TPTE2: variants seen among roughly 807,000 people sequenced by gnomAD.
TPTE2 encodes phosphatidylinositol 3,4,5-trisphosphate 3-phosphatase TPTE2.
A neutral mutation model predicts 78.6 loss-of-function variants in TPTE2; 53 were observed. The ratio of observed to expected loss-of-function variants is 0.67; its 90% CI spans 0.54 to 0.85. The LOEUF is 0.85. TPTE2 is among the 40% of genes least tolerant of loss of function. The pLI, the probability that TPTE2 is intolerant of heterozygous loss-of-function variation, is 0.00. For missense variants in TPTE2, 461 were observed against 623.0 expected, an observed-to-expected ratio of 0.74 and a Z score of 2.77; for synonymous variants, 175 against 206.2, an observed-to-expected ratio of 0.85 and a Z score of 1.30.
At chr13:19,435,072 G>T (rs1438878029) in intron 15 of TPTE2, among the ~76,000 whole-genome samples, 1 of 152,144 alleles carries the variant, frequency 6.6e-6, no homozygotes, top group Non-Finnish European at 1.5e-5. Flanking sequence ...CCTGGTTTCT[G>T]CAATAAACAA....
At chr13:19,507,233 A>G (rs1449542523), upstream of TPTE2, among the ~76,000 whole-genome samples, 3 of 149,170 alleles carry the variant, frequency 2.0e-5, no homozygotes, top group Non-Finnish European at 4.4e-5. Context: ...ATCAAATACC[A>G]TGTGAATTTG....
intron 1 of TPTE2, among the ~76,000 whole-genome samples, chr13:19,518,380 TTGAGTA>T (rs1429751177): frequency 6.6e-6 from 1 of 152,160 alleles, no homozygotes; most frequent in Non-Finnish European, 1.5e-5. Context: ...AATTAAAATT[TTGAGTA>T]TAAGAAAAAA....
chr13:19,451,056 C>G (rs989261348), intron 11 of TPTE2, 109 bp downstream of exon 14: 1 of 1,316,266 alleles, frequency 7.6e-7, no homozygotes, highest in Non-Finnish European at 1.0e-6. Flanking sequence ...CATTCCTTGC[C>G]ACTACCAAAT....
At chr13:19,485,405 T>C (rs1200143372) in intron 3 of TPTE2, among the ~76,000 whole-genome samples, 5 of 152,126 alleles carry the variant, frequency 3.3e-5, no homozygotes, top group Non-Finnish European at 1.5e-5. Flanking sequence ...CTAAGGTTTC[T>C]GCTGGGAAAT....
chr13:19,497,409 C>A (rs1316892479), intron 1 of TPTE2, among the ~76,000 whole-genome samples: 1 of 131,066 alleles, frequency 7.6e-6, no homozygotes, highest in Non-Finnish European at 1.7e-5. Flanking sequence ...TGTCTGACAG[C>A]TTTGAAGAGA....
chr13:19,465,172 A>G (rs1879182823), intron 9 of TPTE2, 83 bp downstream of exon 12: 2 of 1,508,970 alleles, frequency 1.3e-6, no homozygotes, highest in African/African-American at 1.4e-5. Context: ...TTTTGAATGA[A>G]TGTGTCTTAG....
chr13:19,470,773 G>A (rs1026941993), intron 6 of TPTE2, among the ~76,000 whole-genome samples: 56 of 151,806 alleles, frequency 3.7e-4, no homozygotes, highest in African/African-American at 1.3e-3. Flanking sequence ...TAAACCACCC[G>A]CCTCTGCCTC....
At chr13:19,494,864 T>C (rs535388355) in intron 1 of TPTE2, among the ~76,000 whole-genome samples, 1 of 152,362 alleles carries the variant, frequency 6.6e-6, no homozygotes, top group African/African-American at 2.4e-5. Context: ...AGTTAGTCTA[T>C]GTGTCATTCC....
At chr13:19,442,393 C>A (rs1409047656) in intron 13 of TPTE2, among the ~76,000 whole-genome samples, 3 of 149,778 alleles carry the variant, frequency 2.0e-5, no homozygotes, top group Non-Finnish European at 3.0e-5. Context: ...AATAAAAACA[C>A]TACAAATAAA....
chr13:19,555,205 A>T, the TPTE2 span, among the ~76,000 whole-genome samples: 1 of 152,166 alleles, frequency 6.6e-6, no homozygotes, highest in African/African-American at 2.4e-5. Context: ...GTGTGGCAGA[A>T]TCTGAATTTG....
chr13:19,542,810 A>C, the TPTE2 span, among the ~76,000 whole-genome samples: 7 of 152,196 alleles, frequency 4.6e-5, no homozygotes, highest in Non-Finnish European at 7.4e-5. Flanking sequence ...CCTGGGCAAC[A>C]CGGTGAGACC....
At chr13:19,465,215 T>C (rs1408243044) in intron 9 of TPTE2, 40 bp downstream of exon 12, 2 of 1,611,206 alleles carry the variant, frequency 1.2e-6, no homozygotes, top group Non-Finnish European at 1.7e-6. Context: ...CAAGAAAAAG[T>C]GAAGTAATAC....
At chr13:19,460,178 C>T (rs1023110229) in intron 10 of TPTE2, among the ~76,000 whole-genome samples, 1 of 152,194 alleles carries the variant, frequency 6.6e-6, no homozygotes, top group Non-Finnish European at 1.5e-5. Flanking sequence ...GTGTATCAGA[C>T]CCGCAGCCCT....
At chr13:19,438,767 T>C (rs1225699762) in intron 13 of TPTE2, among the ~76,000 whole-genome samples, 2 of 152,192 alleles carry the variant, frequency 1.3e-5, no homozygotes, top group South Asian at 2.1e-4. Flanking sequence ...TGAGCTTTAA[T>C]TCAAGAAAGA....
chr13:19,481,694 A>G (rs7335334), intron 4 of TPTE2, among the ~76,000 whole-genome samples: 20,173 of 152,176 alleles, frequency 0.13, 1,719 homozygotes, highest in African/African-American at 0.23. Context: ...ACGTATAGCT[A>G]ATTTGCAGAC....
chr13:19,537,482 T>C (rs925388211), upstream of TPTE2, among the ~76,000 whole-genome samples: 5 of 151,430 alleles, frequency 3.3e-5, no homozygotes, highest in African/African-American at 1.2e-4. Flanking sequence ...ATCTGCCCAC[T>C]TCAGCCTCCC....
chr13:19,488,579 C>T (rs1214814451), intron 3 of TPTE2, among the ~76,000 whole-genome samples: 2 of 152,228 alleles, frequency 1.3e-5, no homozygotes, highest in Non-Finnish European at 2.9e-5. Flanking sequence ...TTCCTTAAAC[C>T]TCATGAACCA....
At chr13:19,460,002 G>C (rs980824912) in intron 10 of TPTE2, among the ~76,000 whole-genome samples, 1 of 152,176 alleles carries the variant, frequency 6.6e-6, no homozygotes, top group Non-Finnish European at 1.5e-5. Flanking sequence ...CATGGAAATG[G>C]GGCCTGCAGA....
the TPTE2 span, among the ~76,000 whole-genome samples, chr13:19,547,744 T>C: frequency 6.8e-6 from 1 of 146,552 alleles, no homozygotes; most frequent in African/African-American, 2.5e-5. Context: ...TATATATGCA[T>C]ACTGCAGGAC....
Sources: gnomAD v4.1 joint callset for allele counts (sites outside exome capture counted in the v4.1 genomes callset) on GRCh38, gnomAD v4.1.1 for gene constraint, MANE v1.5 for transcripts, NCBI Gene and HGNC (gene_info 2026-07-23, HGNC 2026-07-21) for gene names.